NECTIN3: variants seen among roughly 807,000 people sequenced by gnomAD.
NECTIN3 encodes the protein nectin-3.
A neutral mutation model predicts 49.4 loss-of-function variants in NECTIN3; 8 were observed. The observed-to-expected ratio is 0.16, with a 90% CI of 0.10 to 0.29. The LOEUF is 0.29. Among genes scored for constraint, NECTIN3 ranks in the 10% least tolerant of loss-of-function variants. The pLI, the probability that NECTIN3 is intolerant of heterozygous loss-of-function variation, is 1.00. For missense variants in NECTIN3, 581 were observed against 654.6 expected (o/e 0.89, Z 1.23); for synonymous variants, 277 against 241.1 (o/e 1.15, Z -1.38).
At chr3:111,173,979 G>A (rs2035479647) in intron 7 of NECTIN3, among the ~76,000 whole-genome samples, 1 of 152,038 alleles carries the variant, frequency 6.6e-6, no homozygotes, top group South Asian at 2.1e-4. Context: ...TCATCATCCA[G>A]ATTAATGTTT....
At chr3:111,124,270 C>T (rs532497269) in intron 4 of NECTIN3, among the ~76,000 whole-genome samples, 22 of 152,128 alleles carry the variant, frequency 1.4e-4, no homozygotes, top group Non-Finnish European at 2.8e-4. Flanking sequence ...TTTAACCCCT[C>T]TAATCCTAAA....
At chr3:111,165,745 G>A (rs1559815534) in intron 7 of NECTIN3, among the ~76,000 whole-genome samples, 1 of 152,138 alleles carries the variant, frequency 6.6e-6, no homozygotes, top group Non-Finnish European at 1.5e-5. Flanking sequence ...GCTTATATTA[G>A]TTGCACAATG....
intron 7 of NECTIN3, among the ~76,000 whole-genome samples, chr3:111,165,253 CA>C (rs1401051189): frequency 6.6e-6 from 1 of 152,042 alleles, no homozygotes; most frequent in Non-Finnish European, 1.5e-5. Flanking sequence ...CTGTGTTAGC[CA>C]GGATGGTCTC....
intron 5 of NECTIN3, among the ~76,000 whole-genome samples, chr3:111,127,574 T>A (rs2034216738): frequency 6.6e-6 from 1 of 151,966 alleles, no homozygotes; most frequent in Non-Finnish European, 1.5e-5. Flanking sequence ...TATTTTTTTT[T>A]CTTTTGAGAC....
At chr3:111,090,097 T>C (rs1260619030) in intron 1 of NECTIN3, among the ~76,000 whole-genome samples, 1 of 152,186 alleles carries the variant, frequency 6.6e-6, no homozygotes, top group African/African-American at 2.4e-5. Flanking sequence ...ATTTTATCTT[T>C]TTTGCAACCT....
intron 5 of NECTIN3, among the ~76,000 whole-genome samples, chr3:111,130,128 T>G (rs1328058311): frequency 6.6e-6 from 1 of 151,950 alleles, no homozygotes; most frequent in African/African-American, 2.4e-5. Flanking sequence ...AGCTAATTTT[T>G]TGTATTTTTA....
intron 7 of NECTIN3, among the ~76,000 whole-genome samples, chr3:111,174,467 T>C (rs1008650108): frequency 2.0e-5 from 3 of 152,128 alleles, no homozygotes; most frequent in African/African-American, 7.2e-5. Context: ...TATAAATATA[T>C]GGAATATGTA....
chr3:111,110,556 G>A (rs914296290), intron 1 of NECTIN3, among the ~76,000 whole-genome samples: 1 of 151,894 alleles, frequency 6.6e-6, no homozygotes, highest in East Asian at 1.9e-4. Context: ...ATATTCATGA[G>A]ACTACTTTTT....
At chr3:111,110,497 T>C (rs1449339289) in intron 1 of NECTIN3, among the ~76,000 whole-genome samples, 1 of 151,600 alleles carries the variant, frequency 6.6e-6, no homozygotes, top group Admixed American at 6.6e-5. Context: ...GCTGTGTAGT[T>C]TTCTTAAATA....
At chr3:111,089,922 A>G (rs2032160458) in intron 1 of NECTIN3, among the ~76,000 whole-genome samples, 1 of 152,068 alleles carries the variant, frequency 6.6e-6, no homozygotes, top group South Asian at 2.1e-4. Flanking sequence ...TGCCCCGTGC[A>G]TATTAGGTTA....
intron 1 of NECTIN3, among the ~76,000 whole-genome samples, chr3:111,082,360 A>G (rs2031665664): frequency 1.3e-5 from 2 of 152,110 alleles, no homozygotes; most frequent in Non-Finnish European, 2.9e-5. Context: ...GCTGTTTCAG[A>G]GAGAAAAGGG....
intron 1 of NECTIN3, chr3:111,072,438 T>G: frequency 6.5e-7 from 1 of 1,534,102 alleles, no homozygotes; most frequent in Non-Finnish European, 8.7e-7. Context: ...GGGTTGGCGA[T>G]GGTGCTTCGT....
chr3:111,192,870 G>T (rs2035837895), intron 1 of NECTIN3, among the ~76,000 whole-genome samples: 1 of 152,094 alleles, frequency 6.6e-6, no homozygotes, highest in Non-Finnish European at 1.5e-5. Flanking sequence ...CTTGAGCCTT[G>T]CTTAAGAGAC....
At chr3:111,120,208 T>C (rs966912607) in intron 3 of NECTIN3, among the ~76,000 whole-genome samples, 1 of 152,214 alleles carries the variant, frequency 6.6e-6, no homozygotes, top group Non-Finnish European at 1.5e-5. Flanking sequence ...ATGTTTACCT[T>C]TCCAGTGTCT....
chr3:111,174,963 G>A (rs530206863), intron 7 of NECTIN3, among the ~76,000 whole-genome samples: 11 of 152,188 alleles, frequency 7.2e-5, no homozygotes, highest in African/African-American at 2.2e-4. Flanking sequence ...GATGAGTGTG[G>A]ACTTGAAGGA....
At chr3:111,171,245 A>G (rs968739186) in intron 7 of NECTIN3, among the ~76,000 whole-genome samples, 1 of 152,184 alleles carries the variant, frequency 6.6e-6, no homozygotes, top group Non-Finnish European at 1.5e-5. Flanking sequence ...AAGAGCCTAC[A>G]ATGGGTTTCA....
At chr3:111,190,450 G>T (rs2035795271), upstream of NECTIN3, among the ~76,000 whole-genome samples, 3 of 152,194 alleles carry the variant, frequency 2.0e-5, no homozygotes, top group Admixed American at 2.0e-4. Flanking sequence ...TCAGGCTTCT[G>T]TAACAAAACA....
chr3:111,168,746 C>G (rs113567587), intron 7 of NECTIN3, among the ~76,000 whole-genome samples: 13 of 152,156 alleles, frequency 8.5e-5, no homozygotes, highest in Middle Eastern at 3.4e-3. Context: ...CAGAGACTAC[C>G]GAAAGAATAC....
chr3:111,151,521 T>A (rs185755347), intron 7 of NECTIN3, among the ~76,000 whole-genome samples: 2 of 151,994 alleles, frequency 1.3e-5, no homozygotes, highest in East Asian at 3.9e-4. Context: ...TCAGTGAATA[T>A]TATTTTTGTT....
Sources: gnomAD v4.1 joint callset for allele counts (sites outside exome capture counted in the v4.1 genomes callset) on GRCh38, gnomAD v4.1.1 for gene constraint, MANE v1.5 for transcripts, NCBI Gene and HGNC (gene_info 2026-07-23, HGNC 2026-07-21) for gene names.